The following CMTM4 variants were observed in gnomAD, a reference collection of about 807,000 sequenced individuals.
The protein encoded by CMTM4 is CKLF-like MARVEL transmembrane domain-containing protein 4.
Under a neutral mutation model 19.0 loss-of-function variants are expected in CMTM4, and 8 were observed. That is an observed-to-expected ratio of 0.42 (90% confidence interval 0.25 to 0.76). The LOEUF (loss-of-function observed/expected upper bound fraction) is 0.76. CMTM4 is among the 30% of genes least tolerant of loss of function. CMTM4 has a pLI of 0.27. For missense variants in CMTM4, 228 were observed against 290.2 expected (o/e 0.79, Z 1.56); for synonymous variants, 106 against 121.1 (o/e 0.88, Z 0.82).
At chr16:66,606,715 G>A in the CMTM4 span, among the ~76,000 whole-genome samples, 41 of 152,330 alleles carry the variant, frequency 2.7e-4, no homozygotes, top group East Asian at 3.1e-3. Context: ...TACCTGGGCC[G>A]GGCGTGGTGG....
the CMTM4 span, among the ~76,000 whole-genome samples, chr16:66,599,135 A>G: frequency 1.3e-5 from 2 of 152,160 alleles, no homozygotes; most frequent in East Asian, 3.9e-4. Flanking sequence ...CCAAAAAAAA[A>G]AAAATTTAGC....
chr16:66,609,639 A>T, the CMTM4 span: 27 of 1,516,596 alleles, frequency 1.8e-5, no homozygotes, highest in Non-Finnish European at 2.4e-5. This position sits in a 1 kb window ranked among gnomAD's most constrained non-coding sequence, Gnocchi z 4.4. Context: ...CTGGGGTCTC[A>T]TGTGGGTCCC....
Position 66,618,520 on chromosome 16 carries a change from G to A in CMTM4, c.*3538C>T. 4.1e-6 allele frequency: 4 copies of A among 985,524 alleles called. No individual in the cohort carries two copies. The highest frequency in any genetic ancestry group is 4.8e-6 in the Non-Finnish European group (4 of 829,996). 61.0% of individuals were successfully genotyped at this position (985,524 alleles called of 1,614,324 possible). On this transcript the variant is annotated 3_prime_UTR_variant, in exon 4 of 4. Coordinates refer to ENST00000394106, the MANE Select transcript of CMTM4 (RefSeq NM_181521.3). ...CTCAGTCCACCTCTCAGAGCACATG[G>A]ATAGGTGACGGGTTTCTCATGTGAA...
At position 66,617,312 on chromosome 16, in the gene CMTM4, T is replaced by C; in HGVS notation, c.*4746A>G. ...TGCCAGTGATTCAAACTCAGCAGGTTTGTGGGTGATTTTTTCCTTACTGTT... is the reference window on the plus strand; with the variant it reads ...TGCCAGTGATTCAAACTCAGCAGGTCTGTGGGTGATTTTTTCCTTACTGTT... On this transcript the variant is annotated 3_prime_UTR_variant, in exon 4 of 4. Coordinates refer to ENST00000394106, the MANE Select transcript of CMTM4 (RefSeq NM_181521.3). 6.2e-7 allele frequency: 1 copy of C among 1,614,212 alleles called. No homozygotes were observed. The highest frequency in any genetic ancestry group is 8.5e-7 in the Non-Finnish European group (1 of 1,180,034).
intron 1 of CMTM4, among the ~76,000 whole-genome samples, chr16:66,689,034 T>A (rs1384921658): frequency 6.6e-6 from 1 of 152,020 alleles, no homozygotes; most frequent in African/African-American, 2.4e-5. Context: ...TTCTAGGAGG[T>A]TTTTTATAGA....
intron 1 of CMTM4, among the ~76,000 whole-genome samples, chr16:66,686,591 G>A (rs1273098408): frequency 6.8e-6 from 1 of 146,846 alleles, no homozygotes; most frequent in Admixed American, 6.9e-5. Flanking sequence ...TGTGGAGAAA[G>A]AATTAATTTA....
At chr16:66,642,729 C>T (rs1389908559) in intron 1 of CMTM4, among the ~76,000 whole-genome samples, 2 of 151,968 alleles carry the variant, frequency 1.3e-5, no homozygotes, top group East Asian at 1.9e-4. Flanking sequence ...AACAAACAAA[C>T]GAACAAACAA....
rs776024295 is a variant in CMTM4 at position 66,687,794 on chromosome 16, TCTC to T, written c.186+8543_186+8545del. Among the ~76,000 whole-genome samples the T allele has an allele frequency of 2.8e-4, 42 of 151,656 alleles. 1 individual carries two copies. The highest frequency in any genetic ancestry group is 1.2e-3 in the Admixed American group (18 of 15,178). The stretch of plus-strand genomic sequence containing the variant: ...GCTCCGCCTCCTGGGTTCACGCTAT[TCTC>T]CTGCCTCAGCCTCCTGAGTAGCTGG... On this transcript the variant is annotated intron_variant, in intron 1 of 3. Transcript: ENST00000394106.
At chr16:66,680,266 G>A (rs2016884695) in intron 1 of CMTM4, among the ~76,000 whole-genome samples, 1 of 151,564 alleles carries the variant, frequency 6.6e-6, no homozygotes, top group Admixed American at 6.6e-5. Context: ...ATCACTTGAG[G>A]CCAGGAGTTC....
At position 66,623,466 on chromosome 16, in the gene CMTM4, A is replaced by G; in HGVS notation, c.400T>C (p.Phe134Leu). 1 of 1,614,070 alleles carries G rather than the reference A, an allele frequency of 6.2e-7. No homozygotes were observed. The highest frequency in any genetic ancestry group is 8.5e-7 in the Non-Finnish European group (1 of 1,179,968). Residue 134 changes from phenylalanine to leucine, a missense_variant, in exon 3 of 4, where the codon TTT becomes CTT. This residue lies in a region of CMTM4 where 200 missense variants were observed against 226.6 expected (regional missense o/e 0.88). Transcript: ENST00000394106. ...GCAGCCAGTACGATTGAAGCAATAA[A>G]GAAAAGGAAAGCGCTGAGTCCAGTG... ...VNTGLSAFLF[F>L]IASIVLAALN...
chr16:66,609,540 C>T, the CMTM4 span: 9 of 1,584,582 alleles, frequency 5.7e-6, no homozygotes, highest in African/African-American at 1.3e-5. This position sits in a 1 kb window ranked among gnomAD's most constrained non-coding sequence, Gnocchi z 4.4. Flanking sequence ...GGTGAGCAGC[C>T]GCCCCACCCC....
intron 1 of CMTM4, among the ~76,000 whole-genome samples, chr16:66,679,343 G>A (rs991581489): frequency 6.6e-6 from 1 of 152,036 alleles, no homozygotes; most frequent in African/African-American, 2.4e-5. Flanking sequence ...TACTGGTTCT[G>A]ATTTTAGCAA....
At chr16:66,687,127 T>C (rs941723489) in intron 1 of CMTM4, among the ~76,000 whole-genome samples, 1 of 149,226 alleles carries the variant, frequency 6.7e-6, no homozygotes, top group African/African-American at 2.5e-5. Flanking sequence ...CACCCACTAT[T>C]GTGCAGAATG....
At chr16:66,667,600 G>T (rs1228174962) in intron 1 of CMTM4, among the ~76,000 whole-genome samples, 1 of 151,916 alleles carries the variant, frequency 6.6e-6, no homozygotes, top group African/African-American at 2.4e-5. Flanking sequence ...GTTTAAAAAA[G>T]AAAAAAGGGC....
intron 1 of CMTM4, among the ~76,000 whole-genome samples, chr16:66,658,380 C>T (rs1300042665): frequency 6.6e-6 from 1 of 151,294 alleles, no homozygotes; most frequent in Admixed American, 6.6e-5. Context: ...TGAACTCAAC[C>T]AAAAAAACAT....
chr16:66,604,688 C>T, the CMTM4 span: 7 of 784,694 alleles, frequency 8.9e-6, no homozygotes, highest in African/African-American at 1.8e-5. Context: ...GCGGGGGATG[C>T]GCCCCTGCGC....
chr16:66,673,654 G>A (rs1350857669), intron 1 of CMTM4, among the ~76,000 whole-genome samples: 2 of 152,174 alleles, frequency 1.3e-5, no homozygotes, highest in African/African-American at 4.8e-5. Context: ...GCAAGAGATT[G>A]TGTTTCCCAC....
chr16:66,638,170 A>G (rs905960872), intron 1 of CMTM4, among the ~76,000 whole-genome samples: 1 of 152,092 alleles, frequency 6.6e-6, no homozygotes, highest in Non-Finnish European at 1.5e-5. Context: ...ATTGCATTCT[A>G]TCCTTACCAT....
At chr16:66,609,619 T>C in the CMTM4 span, 1 of 1,517,570 alleles carries the variant, frequency 6.6e-7, no homozygotes, top group Non-Finnish European at 8.9e-7. The surrounding 1 kb of genome is among the most constrained non-coding windows in gnomAD (Gnocchi z 4.4). Flanking sequence ...CTTTCCCTGC[T>C]GGGGCCCCCC....
Sources: allele counts gnomAD v4.1 joint callset (sites outside exome capture counted in the v4.1 genomes callset), GRCh38; gene constraint gnomAD v4.1.1; regional missense constraint gnomAD v4.1.1; non-coding constraint Gnocchi (gnomAD v3.1); transcripts MANE v1.5; gene names NCBI Gene and HGNC (gene_info 2026-07-23, HGNC 2026-07-21).